Variants in GSTM3 observed in about 807,000 individuals in gnomAD.
GSTM3 encodes glutathione S-transferase mu 3.
Under a neutral mutation model 36.1 loss-of-function variants are expected in GSTM3, and 34 were observed. The ratio of observed to expected loss-of-function variants is 0.94; its 90% CI spans 0.72 to 1.25. The LOEUF (loss-of-function observed/expected upper bound fraction) is 1.25. Ranked by LOEUF, GSTM3 falls within the 50% of genes most tolerant of loss-of-function variation. The pLI is 0.00. For synonymous variants in GSTM3, 102 were observed against 99.5 expected, an observed-to-expected ratio of 1.03 and a Z score of -0.15; for missense variants, 266 against 281.6, an observed-to-expected ratio of 0.94 and a Z score of 0.40.
Position 109,739,540 on chromosome 1 carries a change from C to T in GSTM3, c.125-47G>A, listed in dbSNP as rs189263054. On this transcript the variant is annotated intron_variant, in intron 3 of 8. Transcript: ENST00000361066. Reference sequence around the variant, plus strand: ...GGGACCCAACCTCCTTAATACCCCACCTGACAAGAGCAAAAGATCTAAAGA... The same window carrying T: ...GGGACCCAACCTCCTTAATACCCCATCTGACAAGAGCAAAAGATCTAAAGA... 15 of 1,363,948 alleles carry T rather than the reference C, an allele frequency of 1.1e-5. No homozygotes were observed. In the African/African-American group the frequency reaches 1.4e-4, roughly 13 times the overall value. The allele number at this position is 1,363,948 out of a possible 1,614,324, so 84.5% of individuals were successfully genotyped here.
chr1:109,740,374 G>C lies in GSTM3; in HGVS notation c.-87C>G. 8.0e-7 allele frequency: 1 copy of C among 1,249,638 alleles called. No individual in the cohort carries two copies. Among genetic ancestry groups the C allele is most frequent in the Non-Finnish European group, 1.1e-6 (1 of 879,028 alleles). The allele number at this position is 1,249,638 out of a possible 1,614,324, so 77.4% of individuals were successfully genotyped here. On this transcript the variant is annotated 5_prime_UTR_variant, in exon 2 of 9. Coordinates refer to ENST00000361066, the MANE Select transcript of GSTM3 (RefSeq NM_000849.5). ...CGACATAAGGGGGCGGGGCCCACGC[G>C]CGGGCGCCCTGACTCCGCCTCCGCC...
At position 109,737,149 on chromosome 1, in the gene GSTM3, GGCA is replaced by G. The variant is rs1393872933; in HGVS notation, c.597_599del (p.Ala200del). On this transcript the variant is annotated inframe_deletion, in exon 9 of 9. Coordinates refer to ENST00000361066, the MANE Select transcript of GSTM3 (RefSeq NM_000849.5). ...TGCAGAACTGATCAGACTGTAAGTA[GGCA>G]GCGATTTTCTCCAAAGCCTGAAAGG... 9.3e-6 allele frequency: 15 copies of G among 1,613,572 alleles called. No homozygotes were observed. Among genetic ancestry groups the G allele is most frequent in the Non-Finnish European group, 1.2e-5 (14 of 1,179,568 alleles).
In GSTM3 at chr1:109,734,962, G is replaced by A. The variant is rs1046982223; in HGVS notation, c.*2109C>T. The A allele has an allele frequency of 6.6e-6, 1 of 152,296 alleles. No individual in the cohort carries two copies. The highest frequency in any genetic ancestry group is 1.5e-5 in the Non-Finnish European group (1 of 68,042). 9.4% of individuals were successfully genotyped at this position (152,296 alleles called of 1,614,324 possible). On this transcript the variant is annotated 3_prime_UTR_variant, in exon 9 of 9. Transcript: ENST00000361066. ...TGCCAAGTCATCTCCACAGGAGTCAGTGTTTCTTAAGTTTGCTTTCTTTTC... is the reference window on the plus strand; with the variant it reads ...TGCCAAGTCATCTCCACAGGAGTCAATGTTTCTTAAGTTTGCTTTCTTTTC...
At position 109,735,552 on chromosome 1, in the gene GSTM3, GACAGGTATTT is replaced by G. The variant is rs1649172372; in HGVS notation, c.*1509_*1518del. The G allele has an allele frequency of 6.6e-6, 1 of 150,474 alleles. No homozygotes were observed. Among genetic ancestry groups the G allele is most frequent in the African/African-American group, 2.5e-5 (1 of 40,750 alleles). 9.3% of individuals were successfully genotyped at this position (150,474 alleles called of 1,614,324 possible). A position where few individuals can be genotyped will look rare whatever the true frequency, so the allele number is the denominator to read the frequency against. On this transcript the variant is annotated 3_prime_UTR_variant, in exon 9 of 9. Transcript: ENST00000361066. Reference sequence around the variant, plus strand: ...TTGCCACATGGTACTCCATAGTATTGACAGGTATTTACACGGTTTCCACTTATTTGTCATT... The same window carrying G: ...TTGCCACATGGTACTCCATAGTATTGACACGGTTTCCACTTATTTGTCATT...
chr1:109,734,319 C>T lies in GSTM3; in HGVS notation c.*2752G>A, dbSNP rs896277123. ...TGGGATGGTCACTTCTGAGCAACATCCTAGCTTAAGGGTAACTTCTTCCGT... is the reference window on the plus strand; with the variant it reads ...TGGGATGGTCACTTCTGAGCAACATTCTAGCTTAAGGGTAACTTCTTCCGT... On this transcript the variant is annotated 3_prime_UTR_variant, in exon 9 of 9. Coordinates refer to ENST00000361066, the MANE Select transcript of GSTM3 (RefSeq NM_000849.5). 1.3e-5 allele frequency: 2 copies of T among 152,156 alleles called. No individual in the cohort carries two copies. Among genetic ancestry groups the T allele is most frequent in the Admixed American group, 6.5e-5 (1 of 15,280 alleles). The allele number at this position is 152,156 out of a possible 1,614,324, so 9.4% of individuals were successfully genotyped here.
At chr1:109,739,794 G>A in intron 3 of GSTM3, 39 bp downstream of exon 3, 1 of 1,461,960 alleles carries the variant, frequency 6.8e-7, no homozygotes. Flanking sequence ...GGCAGGTGGA[G>A]GGCCAGCTTG....
Position 109,736,793 on chromosome 1 carries a change from G to A in GSTM3, c.*278C>T, listed in dbSNP as rs1649211747. The stretch of plus-strand genomic sequence containing the variant: ...TAACACACCTGCTCTCTCCAACTGT[G>A]CAATCTCGTTTTTTCTAGTACCCAC... On this transcript the variant is annotated 3_prime_UTR_variant, in exon 9 of 9. Coordinates refer to ENST00000361066, the MANE Select transcript of GSTM3 (RefSeq NM_000849.5). 2.6e-6 allele frequency: 1 copy of A among 390,400 alleles called. No individual in the cohort carries two copies. The allele number at this position is 390,400 out of a possible 1,614,324, so 24.2% of individuals were successfully genotyped here.
rs761100109 is a variant in GSTM3 at position 109,739,538 on chromosome 1, C to A, written c.125-45G>T. The A allele has an allele frequency of 2.9e-6, 4 of 1,388,958 alleles. No homozygotes were observed. The Admixed American group carries it at 5.3e-5, about 19-fold the overall frequency. 86.0% of individuals were successfully genotyped at this position (1,388,958 alleles called of 1,614,324 possible). A position where few individuals can be genotyped will look rare whatever the true frequency, so the allele number is the denominator to read the frequency against. ...GTGGGACCCAACCTCCTTAATACCC[C>A]ACCTGACAAGAGCAAAAGATCTAAA... On this transcript the variant is annotated intron_variant, in intron 3 of 8. Coordinates refer to ENST00000361066, the MANE Select transcript of GSTM3 (RefSeq NM_000849.5).
rs1345726945 is a variant in GSTM3, at chr1:109,735,537, G to A, written c.*1534C>T. Reference sequence around the variant, plus strand: ...AGTCTCATTCTTCCGTTGCCACATGGTACTCCATAGTATTGACAGGTATTT... The same window carrying A: ...AGTCTCATTCTTCCGTTGCCACATGATACTCCATAGTATTGACAGGTATTT... On this transcript the variant is annotated 3_prime_UTR_variant, in exon 9 of 9. Coordinates refer to ENST00000361066, the MANE Select transcript of GSTM3 (RefSeq NM_000849.5). The A allele has an allele frequency of 6.6e-6, 1 of 150,872 alleles. No individual in the cohort carries two copies. Among genetic ancestry groups the A allele is most frequent in the African/African-American group, 2.4e-5 (1 of 40,954 alleles). 9.3% of individuals were successfully genotyped at this position (150,872 alleles called of 1,614,324 possible).
Position 109,740,370 on chromosome 1 carries a change from A to G in GSTM3, c.-83T>C. 1 of 1,287,734 alleles carries G rather than the reference A, an allele frequency of 7.8e-7. No individual in the cohort carries two copies. Among genetic ancestry groups the G allele is most frequent in the South Asian group, 1.3e-5 (1 of 78,162 alleles). The allele number at this position is 1,287,734 out of a possible 1,614,324, so 79.8% of individuals were successfully genotyped here. On this transcript the variant is annotated 5_prime_UTR_variant, in exon 2 of 9. Coordinates refer to ENST00000361066, the MANE Select transcript of GSTM3 (RefSeq NM_000849.5). ...TACCCGACATAAGGGGGCGGGGCCC[A>G]CGCGCGGGCGCCCTGACTCCGCCTC...
intron 4 of GSTM3, among the ~76,000 whole-genome samples, chr1:109,738,773 A>T (rs1649284440): frequency 6.6e-6 from 1 of 152,262 alleles, no homozygotes; most frequent in Non-Finnish European, 1.5e-5. Context: ...ATTTACTTAC[A>T]TGTATATAAA....
At chr1:109,737,271 AT>A (rs1425179754) in intron 8 of GSTM3, 102 bp from the exon 9 acceptor site, 42 of 895,058 alleles carry the variant, frequency 4.7e-5, no homozygotes, top group Middle Eastern at 2.2e-4. Flanking sequence ...TACCTCCTCC[AT>A]TTTTTTGTAG....
intron 4 of GSTM3, 43 bp from the exon 5 acceptor site, chr1:109,738,409 C>T: frequency 8.1e-7 from 1 of 1,233,430 alleles, no homozygotes; most frequent in East Asian, 2.3e-5. Context: ...CTGCCTCTCT[C>T]TTGATTCCCT....
At chr1:109,738,518 C>A in intron 4 of GSTM3, 152 bp from the exon 5 acceptor site, 4 of 614,540 alleles carry the variant, frequency 6.5e-6, no homozygotes, top group Non-Finnish European at 8.7e-6. Context: ...AAGGTAGCAA[C>A]TGGGTCCACA....
intron 4 of GSTM3, 76 bp downstream of exon 4, chr1:109,739,353 C>T (rs1220608929): frequency 2.1e-6 from 2 of 956,774 alleles, no homozygotes; most frequent in Middle Eastern, 2.2e-4. Context: ...CCTTCTGTAC[C>T]AGGCAGGAGA....
chr1:109,740,565 G>A, intron 1 of GSTM3, 54 bp from the exon 2 acceptor site: 2 of 505,172 alleles, frequency 4.0e-6, no homozygotes, highest in South Asian at 4.7e-5. Flanking sequence ...CCGCGGGTGG[G>A]AGCCAGACTT....
At chr1:109,739,661 G>T (rs1557980298) in intron 3 of GSTM3, among the ~76,000 whole-genome samples, 168 bp from the exon 4 acceptor site, 1 of 152,234 alleles carries the variant, frequency 6.6e-6, no homozygotes, top group Non-Finnish European at 1.5e-5. Context: ...ACGGGTTTGG[G>T]CTATGTTAAA....
At position 109,737,845 on chromosome 1, in the gene GSTM3, A is replaced by G. The variant is rs543474416; in HGVS notation, c.373-94T>C. On this transcript the variant is annotated intron_variant, in intron 6 of 8. Transcript: ENST00000361066. The stretch of plus-strand genomic sequence containing the variant: ...ATGGACACTTAGTAGCCCCTTCTCT[A>G]GGTGGGTTCTCATTGCCTTCACTTG... 3 of 815,176 alleles carry G rather than the reference A, an allele frequency of 3.7e-6. No homozygotes were observed. The African/African-American group carries it at 5.1e-5, about 14-fold the overall frequency. 50.5% of individuals were successfully genotyped at this position (815,176 alleles called of 1,614,324 possible). A position where few individuals can be genotyped will look rare whatever the true frequency, so the allele number is the denominator to read the frequency against.
chr1:109,734,182 A>C lies in GSTM3; in HGVS notation c.*2889T>G, dbSNP rs1649142205. 1 of 152,244 alleles carries C rather than the reference A, an allele frequency of 6.6e-6. No individual in the cohort carries two copies. Among genetic ancestry groups the C allele is most frequent in the South Asian group, 2.1e-4 (1 of 4,832 alleles). The allele number at this position is 152,244 out of a possible 1,614,324, so 9.4% of individuals were successfully genotyped here. The stretch of plus-strand genomic sequence containing the variant: ...GGTTATTACCCATGAGTGCCTAAGC[A>C]AAACCCATGGGGGTGCTAAAACCAC... On this transcript the variant is annotated 3_prime_UTR_variant, in exon 9 of 9. Transcript: ENST00000361066.
Sources: allele counts gnomAD v4.1 joint callset (sites outside exome capture counted in the v4.1 genomes callset), GRCh38; gene constraint gnomAD v4.1.1; transcripts MANE v1.5; gene names NCBI Gene and HGNC (gene_info 2026-07-23, HGNC 2026-07-21).